Variants in SNRNP200 observed in about 807,000 individuals in gnomAD.
The protein encoded by SNRNP200 is U5 small nuclear ribonucleoprotein 200 kDa helicase.
In SNRNP200, 66 loss-of-function variants were observed where a neutral mutation model predicts 255.2. That is an observed-to-expected ratio of 0.26 (90% CI 0.21 to 0.32). The LOEUF (loss-of-function observed/expected upper bound fraction) is 0.32. SNRNP200 is among the 10% of genes least tolerant of loss of function. The probability of loss-of-function intolerance (pLI) is 1.00; values close to 1 mark genes in which losing one functional copy is unlikely to be tolerated. For synonymous variants in SNRNP200, 939 were observed against 1,027.8 expected (o/e 0.91, Z 1.65); for missense variants, 1,585 against 2,749.8 (o/e 0.58, Z 9.47).
chr2:96,285,159 T>C (rs2063836676), intron 30 of SNRNP200, 21 bp downstream of exon 30: 3 of 1,613,680 alleles, frequency 1.9e-6, no homozygotes, highest in Non-Finnish European at 2.5e-6. Flanking sequence ...GAAATTCACA[T>C]GACACAGCGC....
rs1484753173 is a variant in SNRNP200, at chr2:96,286,046, G to A, written c.4003+265C>T. Among the ~76,000 whole-genome samples the A allele has an allele frequency of 6.6e-6, 1 of 152,226 alleles. No homozygotes were observed. Among genetic ancestry groups the A allele is most frequent in the Non-Finnish European group, 1.5e-5 (1 of 68,044 alleles). ...CTGGTTCAATACTTGAGCGCCAGGG[G>A]CAGGCCTCTAAGCCTCCTGGGCCCG... On this transcript the variant is annotated intron_variant, in intron 29 of 44. Coordinates refer to ENST00000323853, the MANE Select transcript of SNRNP200 (RefSeq NM_014014.5). This position sits in a 1 kb window ranked among gnomAD's most constrained non-coding sequence, Gnocchi z 4.8.
rs762888559 is a variant in SNRNP200 at position 96,286,187 on chromosome 2, G to A, written c.4003+124C>T. On this transcript the variant is annotated intron_variant, in intron 29 of 44. Coordinates refer to ENST00000323853, the MANE Select transcript of SNRNP200 (RefSeq NM_014014.5). This position sits in a 1 kb window ranked among gnomAD's most constrained non-coding sequence, Gnocchi z 4.8. ...GGAAAAAGTCCTGGTGGGTCCCAGC[G>A]GTCACACTGAGGAGCTCCCAGACCT... 72 of 933,342 alleles carry A rather than the reference G, an allele frequency of 7.7e-5. No homozygotes were observed. The highest frequency in any genetic ancestry group is 1.1e-4 in the Non-Finnish European group (60 of 565,156). 57.8% of individuals were successfully genotyped at this position (933,342 alleles called of 1,614,324 possible). A position where few individuals can be genotyped will look rare whatever the true frequency, so the allele number is the denominator to read the frequency against.
intron 3 of SNRNP200, among the ~76,000 whole-genome samples, chr2:96,302,258 G>A (rs1243892121): frequency 1.3e-5 from 2 of 152,150 alleles, no homozygotes; most frequent in African/African-American, 2.4e-5. Flanking sequence ...GAGTTATGTA[G>A]GGTTGGGGGA....
Position 96,287,238 on chromosome 2 carries a change from G to C in SNRNP200, c.3485-78C>G. The C allele has an allele frequency of 6.4e-7, 1 of 1,559,358 alleles. No homozygotes were observed. The highest frequency in any genetic ancestry group is 2.2e-5 in the East Asian group (1 of 44,594). On this transcript the variant is annotated intron_variant, in intron 26 of 44. Transcript: ENST00000323853. The surrounding 1 kb of genome is among the most constrained non-coding windows in gnomAD (Gnocchi z 5.7). Reference sequence around the variant, plus strand: ...CAAACTGGGCCTGAGGGCCACTGTGGGAAAGGGGTAGGGTCTTCCCTTTAT... The same window carrying C: ...CAAACTGGGCCTGAGGGCCACTGTGCGAAAGGGGTAGGGTCTTCCCTTTAT...
Position 96,290,569 on chromosome 2 carries a change from G to C in SNRNP200, c.2554-55C>G. On this transcript the variant is annotated intron_variant, in intron 19 of 44. Coordinates refer to ENST00000323853, the MANE Select transcript of SNRNP200 (RefSeq NM_014014.5). The surrounding 1 kb of genome is among the most constrained non-coding windows in gnomAD (Gnocchi z 4.5). ...TATGTCAAGAGAATGTCTGAATTTT[G>C]ATGCAGGTATCTACATTACAGAACT... The C allele has an allele frequency of 6.2e-7, 1 of 1,612,582 alleles. No individual in the cohort carries two copies. Among genetic ancestry groups the C allele is most frequent in the South Asian group, 1.1e-5 (1 of 91,030 alleles).
intron 9 of SNRNP200, 27 bp from the exon 10 acceptor site, chr2:96,297,747 A>G: frequency 6.2e-7 from 1 of 1,612,584 alleles, no homozygotes. Context: ...TAAAAATCAC[A>G]AAAACAATTC....
chr2:96,296,121 A>C (rs1177899001), intron 13 of SNRNP200, among the ~76,000 whole-genome samples: 2 of 152,080 alleles, frequency 1.3e-5, no homozygotes, highest in Non-Finnish European at 2.9e-5. Flanking sequence ...CGACAGCGAG[A>C]CCCTGTCTCA....
At chr2:96,284,147 C>T in intron 31 of SNRNP200, 143 bp from the exon 32 acceptor site, 1 of 917,928 alleles carries the variant, frequency 1.1e-6, no homozygotes, top group South Asian at 1.4e-5. Context: ...TTGGTTCTAC[C>T]TCCTCCACGG....
intron 43 of SNRNP200, 39 bp from the exon 44 acceptor site, chr2:96,275,388 CTT>C: frequency 6.4e-7 from 1 of 1,565,474 alleles, no homozygotes; most frequent in East Asian, 2.2e-5. Context: ...GCATGTAAAA[CTT>C]GATGACCATA....
Position 96,278,376 on chromosome 2 carries a change from T to A in SNRNP200, c.5489-18A>T, listed in dbSNP as rs1262334412. 6.8e-6 allele frequency: 11 copies of A among 1,613,858 alleles called. No individual in the cohort carries two copies. The highest frequency in any genetic ancestry group is 9.3e-6 in the Non-Finnish European group (11 of 1,180,012). On this transcript the variant is annotated intron_variant, in intron 38 of 44. Coordinates refer to ENST00000323853, the MANE Select transcript of SNRNP200 (RefSeq NM_014014.5). The surrounding 1 kb of genome is among the most constrained non-coding windows in gnomAD (Gnocchi z 6.9). ...GAAGAGCTCTGACAGAAAAAGGAAA[T>A]GTGAGAGAAGCTAAAACCAGGCAGA... is the stretch of plus-strand genomic sequence containing the variant.
chr2:96,278,976 T>A lies in SNRNP200; in HGVS notation c.5156A>T (p.Tyr1719Phe), dbSNP rs749536200. The change falls in exon 37 of 45, where the codon TAT (tyrosine) becomes TTT (phenylalanine). Residue 1719 changes from tyrosine (Y) to phenylalanine (F), a missense_variant. Physicochemically the swap from Tyr to Phe is conservative, Grantham distance 22. Around this residue, in one of 9 missense-constraint regions of SNRNP200, gnomAD observed 279 missense variants for 551.2 expected, o/e 0.51. Transcript: ENST00000323853. The surrounding 1 kb of genome is among the most constrained non-coding windows in gnomAD (Gnocchi z 6.9). ...SKKDFFKKFL[Y>F]EPLPVESHLD... ...GTGAGATTCTACTGGCAATGGCTCA[T>A]ATAAGAACTTCTTGAAGAAATCCTG... 9 of 1,614,014 alleles carry A rather than the reference T, an allele frequency of 5.6e-6. No individual in the cohort carries two copies. The highest frequency in any genetic ancestry group is 7.6e-6 in the Non-Finnish European group (9 of 1,179,904).
Position 96,286,375 on chromosome 2 carries a change from T to C in SNRNP200, c.3939A>G (p.Arg1313=). The change falls in exon 29 of 45, where the codon AGA becomes AGG. Residue 1313 remains arginine (R), a synonymous_variant. Transcript: ENST00000323853. This position sits in a 1 kb window ranked among gnomAD's most constrained non-coding sequence, Gnocchi z 4.8. ...DLQPLPVSAL[R]NSAFESLYQD... is the part of the protein sequence containing the mutation. ...GGTAAAGACTCTCAAAGGCACTGTT[T>C]CTCAGAGCAGACACGGGCAAGGGCT... is the stretch of plus-strand genomic sequence containing the variant. 1 of 1,614,164 alleles carries C rather than the reference T, an allele frequency of 6.2e-7. No homozygotes were observed. Among genetic ancestry groups the C allele is most frequent in the South Asian group, 1.1e-5 (1 of 91,076 alleles).
Position 96,289,137 on chromosome 2 carries a change from G to C in SNRNP200, c.3094-20C>G. 1 of 1,613,928 alleles carries C rather than the reference G, an allele frequency of 6.2e-7. No homozygotes were observed. Among genetic ancestry groups the C allele is most frequent in the South Asian group, 1.1e-5 (1 of 91,010 alleles). On this transcript the variant is annotated intron_variant, in intron 22 of 44. Transcript: ENST00000323853. ...CTCCTCCTGCCACAAGGAGGAAAAGGTCAAGGGAAAGCCTTGTGGCCGAGG... is the reference window on the plus strand; with the variant it reads ...CTCCTCCTGCCACAAGGAGGAAAAGCTCAAGGGAAAGCCTTGTGGCCGAGG...
Position 96,293,114 on chromosome 2 carries a change from G to A in SNRNP200, c.2037-19C>T. 6.2e-7 allele frequency: 1 copy of A among 1,614,154 alleles called. No homozygotes were observed. Among genetic ancestry groups the A allele is most frequent in the Non-Finnish European group, 8.5e-7 (1 of 1,180,008 alleles). On this transcript the variant is annotated intron_variant, in intron 15 of 44. Coordinates refer to ENST00000323853, the MANE Select transcript of SNRNP200 (RefSeq NM_014014.5). ...ACGGAAGCTAGAAGTTCAACAGTTA[G>A]ACAAATGAGGCTTTGGCAGAAAATA...
chr2:96,304,436 G>A (rs2063974389), intron 2 of SNRNP200, among the ~76,000 whole-genome samples: 2 of 152,104 alleles, frequency 1.3e-5, no homozygotes, highest in Admixed American at 1.3e-4. Context: ...GAATAGCAAG[G>A]GTCTTGAAAA....
Position 96,283,248 on chromosome 2 carries a change from C to T in SNRNP200, c.4868G>A (p.Gly1623Glu). ...LLNGVGYLHE[G>E]LSPMERRLVE... ...CAGGCGTCGCTCCATGGGGCTGAGC[C>T]CCTCATGCAGGTAGCCCACCCCATT... The change falls in exon 34 of 45, where the codon GGG becomes GAG. Residue 1623 changes from glycine (G) to glutamate (E), a missense_variant. Gly to Glu is a moderately conservative substitution (Grantham distance 98). Coordinates refer to ENST00000323853, the MANE Select transcript of SNRNP200 (RefSeq NM_014014.5). This position sits in a 1 kb window ranked among gnomAD's most constrained non-coding sequence, Gnocchi z 4.7. The T allele has an allele frequency of 6.2e-7, 1 of 1,614,154 alleles. No individual in the cohort carries two copies. The highest frequency in any genetic ancestry group is 8.5e-7 in the Non-Finnish European group (1 of 1,180,036).
Position 96,278,739 on chromosome 2 carries a change from C to T in SNRNP200, c.5324-28G>A. On this transcript the variant is annotated intron_variant, in intron 37 of 44. Coordinates refer to ENST00000323853, the MANE Select transcript of SNRNP200 (RefSeq NM_014014.5). This position sits in a 1 kb window ranked among gnomAD's most constrained non-coding sequence, Gnocchi z 6.9. ...ATGGAGGCGAGAGGTGAGTGGGGAG[C>T]CTCAAGAAGATGCCCAGCAAAGACT... 6.2e-7 allele frequency: 1 copy of T among 1,614,142 alleles called. No individual in the cohort carries two copies.
intron 2 of SNRNP200, among the ~76,000 whole-genome samples, chr2:96,304,401 A>T (rs2063974150): frequency 6.6e-6 from 1 of 152,246 alleles, no homozygotes; most frequent in Non-Finnish European, 1.5e-5. Flanking sequence ...ATGGGAAAAA[A>T]GGAAAACGAA....
chr2:96,295,991 A>G (rs2063914724), intron 13 of SNRNP200, among the ~76,000 whole-genome samples: 1 of 151,998 alleles, frequency 6.6e-6, no homozygotes, highest in Admixed American at 6.5e-5. Context: ...AAAATTAGCT[A>G]ATCTAGTAGT....
Sources: allele counts gnomAD v4.1 joint callset (sites outside exome capture counted in the v4.1 genomes callset), GRCh38; gene constraint gnomAD v4.1.1; regional missense constraint gnomAD v4.1.1; non-coding constraint Gnocchi (gnomAD v3.1); transcripts MANE v1.5; gene names NCBI Gene and HGNC (gene_info 2026-07-23, HGNC 2026-07-21).